SPECC1: variants seen among roughly 807,000 people sequenced by gnomAD.
The protein encoded by SPECC1 is cytospin-B.
SPECC1 carries 62 observed loss-of-function variants against 104.1 expected under a neutral mutation model. The ratio of observed to expected loss-of-function variants is 0.60; its 90% CI spans 0.49 to 0.74. The LOEUF (loss-of-function observed/expected upper bound fraction) is 0.74. Ranked by LOEUF, SPECC1 falls within the 30% of genes least tolerant of loss-of-function variation. The pLI is 0.00. For synonymous variants in SPECC1, 513 were observed against 501.6 expected (o/e 1.02, Z -0.30); for missense variants, 1,306 against 1,310.5 (o/e 1.00, Z 0.05).
chr17:20,231,850 C>A lies in SPECC1; in HGVS notation c.2145+19C>A. 1 of 1,611,818 alleles carries A rather than the reference C, an allele frequency of 6.2e-7. No individual in the cohort carries two copies. Among genetic ancestry groups the A allele is most frequent in the Non-Finnish European group, 8.5e-7 (1 of 1,177,978 alleles). ...GATGAAGGTGAGATGCGGGTGGGAGCCTTCACCACCATCTTCCTATGAATT... is the reference window on the plus strand; with the variant it reads ...GATGAAGGTGAGATGCGGGTGGGAGACTTCACCACCATCTTCCTATGAATT... On this transcript the variant is annotated intron_variant, in intron 6 of 14. Transcript: ENST00000395527.
intron 2 of SPECC1, among the ~76,000 whole-genome samples, chr17:20,101,353 C>T (rs190564324): frequency 3.5e-3 from 536 of 152,324 alleles, no homozygotes; most frequent in African/African-American, 0.012. Context: ...TTAATGATCG[C>T]CATTCTAACT....
intron 1 of SPECC1, among the ~76,000 whole-genome samples, chr17:20,065,984 CTATCTATATGTA>C (rs1243280698): frequency 6.6e-6 from 1 of 152,046 alleles, no homozygotes; most frequent in Admixed American, 6.6e-5. Flanking sequence ...CTATATCTAT[CTATCTATATGTA>C]TATCTATATC....
At chr17:20,187,447 T>C (rs1477451685) in intron 3 of SPECC1, among the ~76,000 whole-genome samples, 1 of 152,146 alleles carries the variant, frequency 6.6e-6, no homozygotes, top group Admixed American at 6.5e-5. Context: ...CCCCGCTCTT[T>C]GCTGGATTTG....
chr17:20,104,595 T>C (rs537319225), intron 2 of SPECC1, among the ~76,000 whole-genome samples: 45 of 151,712 alleles, frequency 3.0e-4, no homozygotes, highest in Non-Finnish European at 5.0e-4. Flanking sequence ...ATACAAAAAT[T>C]AGCTGGGTGT....
chr17:20,203,025 T>C (rs2036534139), intron 3 of SPECC1, among the ~76,000 whole-genome samples: 1 of 152,064 alleles, frequency 6.6e-6, no homozygotes, highest in Non-Finnish European at 1.5e-5. Flanking sequence ...TTTAGGTGTG[T>C]GTTTGCTCAG....
At chr17:20,223,755 T>G (rs1301738585) in intron 4 of SPECC1, among the ~76,000 whole-genome samples, 1 of 152,242 alleles carries the variant, frequency 6.6e-6, no homozygotes, top group African/African-American at 2.4e-5. Flanking sequence ...ATCTTGAATT[T>G]CATTGAGCTT....
At position 20,298,948 on chromosome 17, in the gene SPECC1, A is replaced by AGAGAGACTGTGTGTGTGTGTGTGT; in HGVS notation, c.3057+1872_3057+1873insAGAGACTGTGTGTGTGTGTGTGTG. Among the ~76,000 whole-genome samples, 3 of 49,072 alleles carry AGAGAGACTGTGTGTGTGTGTGTGT rather than the reference A, an allele frequency of 6.1e-5. No individual in the cohort carries two copies. The Admixed American group carries it at 6.3e-4, about 10-fold the overall frequency. 32.2% of individuals were successfully genotyped at this position (49,072 alleles called of 152,430 possible). A position where few individuals can be genotyped will look rare whatever the true frequency, so the allele number is the denominator to read the frequency against. On this transcript the variant is annotated intron_variant, in intron 13 of 14. Coordinates refer to ENST00000395527, the MANE Select transcript of SPECC1 (RefSeq NM_001243439.2). The stretch of plus-strand genomic sequence containing the variant: ...GAGAGAGAGAGAGAGAGAGAGAGAG[A>AGAGAGACTGTGTGTGTGTGTGTGT]GTGTGTGTGTGTGTGTGTGTGTGTA...
intron 3 of SPECC1, among the ~76,000 whole-genome samples, chr17:20,162,326 T>G (rs2033238527): frequency 6.6e-6 from 1 of 151,334 alleles, no homozygotes; most frequent in African/African-American, 2.4e-5. Context: ...TTTCTATTTT[T>G]TAGTAGACAC....
intron 1 of SPECC1, among the ~76,000 whole-genome samples, chr17:20,084,356 G>A (rs2047096740): frequency 6.6e-6 from 1 of 152,144 alleles, no homozygotes; most frequent in South Asian, 2.1e-4. Context: ...TTGAACCTGG[G>A]AGGCAGAGGT....
chr17:20,165,402 G>T (rs528725068), intron 3 of SPECC1, among the ~76,000 whole-genome samples: 1 of 152,242 alleles, frequency 6.6e-6, no homozygotes, highest in South Asian at 2.1e-4. Flanking sequence ...CCTTTTTATG[G>T]CTGCATTCTG....
chr17:20,244,094 G>A (rs986509393), intron 7 of SPECC1, among the ~76,000 whole-genome samples: 5 of 152,086 alleles, frequency 3.3e-5, no homozygotes, highest in African/African-American at 1.2e-4. Flanking sequence ...GTGTGCTGGT[G>A]CTTGCCTGTA....
chr17:20,264,188 C>T (rs2040131390), intron 12 of SPECC1, among the ~76,000 whole-genome samples: 1 of 152,050 alleles, frequency 6.6e-6, no homozygotes, highest in African/African-American at 2.4e-5. Flanking sequence ...TTTATTTCAT[C>T]AAAATACAGC....
chr17:20,079,682 A>AGTGT (rs1346988785), intron 1 of SPECC1, among the ~76,000 whole-genome samples: 1 of 152,170 alleles, frequency 6.6e-6, no homozygotes, highest in African/African-American at 2.4e-5. Context: ...CTGAGCTGGC[A>AGTGT]GTGTGCTAGG....
At position 20,205,460 on chromosome 17, in the gene SPECC1, A is replaced by G. The variant is rs1338398981; in HGVS notation, c.1411A>G (p.Thr471Ala). 1 of 1,614,148 alleles carries G rather than the reference A, an allele frequency of 6.2e-7. No individual in the cohort carries two copies. The change falls in exon 4 of 15, where the codon ACA (threonine) becomes GCA (alanine). Residue 471 changes from threonine to alanine, a missense_variant. Physicochemically the swap from Thr to Ala is moderately conservative, Grantham distance 58. Transcript: ENST00000395527. The part of the protein sequence containing the change: ...GKIIELEQKC[T>A]GILEQGRFER... ...AATTATTGAACTGGAGCAGAAGTGCACAGGTATTCTTGAACAGGGCCGCTT... is the reference window on the plus strand; with the variant it reads ...AATTATTGAACTGGAGCAGAAGTGCGCAGGTATTCTTGAACAGGGCCGCTT...
intron 10 of SPECC1, among the ~76,000 whole-genome samples, chr17:20,255,724 C>G (rs966501205): frequency 8.5e-5 from 13 of 152,130 alleles, no homozygotes; most frequent in African/African-American, 3.1e-4. Flanking sequence ...GTCACCATGC[C>G]TGGCTAATTA....
chr17:20,249,388 A>G lies in SPECC1; in HGVS notation c.2598+2069A>G, dbSNP rs551185513. 1.6e-4 allele frequency among the ~76,000 whole-genome samples: 24 copies of G among 152,302 alleles called. No homozygotes were observed. In the East Asian group the frequency reaches 4.4e-3, roughly 28 times the overall value. The stretch of plus-strand genomic sequence containing the variant: ...AGCTGAGATCGCGCCACTGCATTCC[A>G]GCCTGGGCAACAGAGCAAGACTCCA... On this transcript the variant is annotated intron_variant, in intron 9 of 14. Coordinates refer to ENST00000395527, the MANE Select transcript of SPECC1 (RefSeq NM_001243439.2).
intron 9 of SPECC1, among the ~76,000 whole-genome samples, chr17:20,248,007 A>G (rs2703784): frequency 0.76 from 115,861 of 152,112 alleles, 45,347 homozygotes; most frequent in East Asian, 0.99. Context: ...TCTTTCTCTA[A>G]GTGCTTACCC....
At chr17:20,089,809 C>T (rs1056454306) in intron 1 of SPECC1, among the ~76,000 whole-genome samples, 2 of 152,206 alleles carry the variant, frequency 1.3e-5, no homozygotes, top group Admixed American at 6.5e-5. Context: ...GGCATCTGAT[C>T]TGCTGGCCTG....
In SPECC1 at chr17:20,059,495, C is replaced by A. The variant is rs985692770; in HGVS notation, c.-21-37136C>A. Among the ~76,000 whole-genome samples, 12 of 152,094 alleles carry A rather than the reference C, an allele frequency of 7.9e-5. 1 individual carries two copies. Among genetic ancestry groups the A allele is most frequent in the Admixed American group, 7.2e-4 (11 of 15,266 alleles). ...CAGGCTATGAACTGGGGGTTGGGGA[C>A]CCCTGATTTAGATCATCAACTCTGC... On this transcript the variant is annotated intron_variant, in intron 1 of 14. Coordinates refer to ENST00000395527, the MANE Select transcript of SPECC1 (RefSeq NM_001243439.2).
Sources: allele counts gnomAD v4.1 joint callset (sites outside exome capture counted in the v4.1 genomes callset), GRCh38; gene constraint gnomAD v4.1.1; transcripts MANE v1.5; gene names NCBI Gene and HGNC (gene_info 2026-07-23, HGNC 2026-07-21).